The following PIK3CD variants were observed in gnomAD, a reference collection of about 807,000 sequenced individuals.
The protein encoded by PIK3CD is phosphatidylinositol-4,5-bisphosphate 3-kinase catalytic subunit delta.
In PIK3CD, 20 loss-of-function variants were observed where a neutral mutation model predicts 122.9. The observed-to-expected ratio is 0.16, with a 90% CI of 0.11 to 0.24. The LOEUF (loss-of-function observed/expected upper bound fraction) is 0.24. Among genes scored for constraint, PIK3CD ranks in the 10% least tolerant of loss-of-function variants. PIK3CD has a pLI of 1.00. For synonymous variants in PIK3CD, 596 were observed against 593.4 expected, an observed-to-expected ratio of 1.00 and a Z score of -0.06; for missense variants, 787 against 1,406.3, an observed-to-expected ratio of 0.56 and a Z score of 7.04.
the PIK3CD span, among the ~76,000 whole-genome samples, chr1:9,638,141 A>C: frequency 6.6e-6 from 1 of 151,956 alleles, no homozygotes; most frequent in African/African-American, 2.4e-5. Context: ...TAAATGAAAA[A>C]ATAAAGGAGC....
At chr1:9,691,242 A>G (rs1289849851) in intron 1 of PIK3CD, among the ~76,000 whole-genome samples, 1 of 152,226 alleles carries the variant, frequency 6.6e-6, no homozygotes, top group African/African-American at 2.4e-5. Context: ...GGCACTGGAA[A>G]TGCTCCTGTG....
intron 1 of PIK3CD, among the ~76,000 whole-genome samples, chr1:9,677,412 G>A (rs778173615): frequency 2.5e-4 from 38 of 151,924 alleles, no homozygotes; most frequent in Non-Finnish European, 5.4e-4. Context: ...TTGGGAGGCG[G>A]AGGCAGGCAG....
At chr1:9,649,021 G>A (rs1344132372), upstream of PIK3CD, among the ~76,000 whole-genome samples, 1 of 152,120 alleles carries the variant, frequency 6.6e-6, no homozygotes, top group Non-Finnish European at 1.5e-5. Flanking sequence ...AGAGTCGCTT[G>A]AACCCGGGAG....
chr1:9,692,713 G>C lies in PIK3CD; in HGVS notation c.-33+1142G>C, dbSNP rs567036636. Among the ~76,000 whole-genome samples, 20 of 152,318 alleles carry C rather than the reference G, an allele frequency of 1.3e-4. 1 individual carries two copies. The South Asian group carries it at 4.1e-3, about 32-fold the overall frequency. ...CCACTGCACTCCAGCCTGGGTGACA[G>C]AGTGAGACTCCGTCTCAAAAAAATA... On this transcript the variant is annotated intron_variant, in intron 2 of 23. Transcript: ENST00000377346.
At chr1:9,703,030 G>A (rs750406804) in intron 2 of PIK3CD, among the ~76,000 whole-genome samples, 1 of 152,188 alleles carries the variant, frequency 6.6e-6, no homozygotes. Context: ...TTCGTCCTCA[G>A]GACCCAGGCT....
intron 2 of PIK3CD, among the ~76,000 whole-genome samples, chr1:9,696,079 C>T (rs188098570): frequency 1.3e-5 from 2 of 151,692 alleles, no homozygotes; most frequent in Admixed American, 1.3e-4. Context: ...TCAAGCAATC[C>T]TCCTGCCTCA....
At chr1:9,712,971 C>G (rs1647117073) in intron 3 of PIK3CD, among the ~76,000 whole-genome samples, 1 of 152,140 alleles carries the variant, frequency 6.6e-6, no homozygotes, top group Admixed American at 6.6e-5. Context: ...CACCTGAGGT[C>G]AGGAGTTTGA....
the PIK3CD span, among the ~76,000 whole-genome samples, chr1:9,629,219 C>G: frequency 6.6e-6 from 1 of 152,098 alleles, no homozygotes; most frequent in Non-Finnish European, 1.5e-5. Context: ...CAAGGCCACA[C>G]CTACCTGAGT....
At chr1:9,682,603 G>T (rs1445772685) in intron 1 of PIK3CD, among the ~76,000 whole-genome samples, 3 of 152,226 alleles carry the variant, frequency 2.0e-5, no homozygotes, top group African/African-American at 7.2e-5. Flanking sequence ...AGGCTGGAGT[G>T]CAGTGGCACG....
intron 1 of PIK3CD, among the ~76,000 whole-genome samples, chr1:9,663,257 C>A (rs2100857625): frequency 6.6e-6 from 1 of 152,348 alleles, no homozygotes; most frequent in East Asian, 1.9e-4. Flanking sequence ...CACTTGCCAG[C>A]CATGTTCAGG....
At chr1:9,672,455 G>T (rs1275341817) in intron 1 of PIK3CD, 4 of 152,136 alleles carry the variant, frequency 2.6e-5, no homozygotes, top group Non-Finnish European at 4.4e-5. Context: ...TAGAGACAGG[G>T]TCTAGCTCTG....
At chr1:9,662,354 G>A in intron 1 of PIK3CD, 1 of 169,098 alleles carries the variant, frequency 5.9e-6, no homozygotes. Flanking sequence ...TAACAGCCTG[G>A]CTGGGATGAA....
intron 1 of PIK3CD, among the ~76,000 whole-genome samples, chr1:9,685,151 C>T (rs1044606850): frequency 6.6e-6 from 1 of 151,996 alleles, no homozygotes; most frequent in African/African-American, 2.4e-5. Flanking sequence ...GCATGGGCCT[C>T]TTATAATTAG....
the PIK3CD span, among the ~76,000 whole-genome samples, chr1:9,641,597 A>AGCTCATTCCT: frequency 0.41 from 62,766 of 151,742 alleles, 18,254 homozygotes; most frequent in East Asian, 0.79. Flanking sequence ...AATCTTCACC[A>AGCTCATTCCT]GCCCTGGAGT....
In PIK3CD at chr1:9,723,037, T is replaced by G. The variant is rs1648935764; in HGVS notation, c.2427-88T>G. 2 of 1,331,416 alleles carry G rather than the reference T, an allele frequency of 1.5e-6. No individual in the cohort carries two copies. The highest frequency in any genetic ancestry group is 1.4e-5 in the African/African-American group (1 of 69,372). 82.5% of individuals were successfully genotyped at this position (1,331,416 alleles called of 1,614,324 possible). ...GGCAGCAGCATCTTCTGTGGCTTTT[T>G]GGGGCACCATGAGTTTCTGGGGCTC... is the stretch of plus-strand genomic sequence containing the variant. On this transcript the variant is annotated intron_variant, in intron 19 of 23. Coordinates refer to ENST00000377346, the MANE Select transcript of PIK3CD (RefSeq NM_005026.5). This position sits in a 1 kb window ranked among gnomAD's most constrained non-coding sequence, Gnocchi z 4.9.
intron 1 of PIK3CD, among the ~76,000 whole-genome samples, chr1:9,663,238 C>T (rs1258434736): frequency 1.3e-5 from 2 of 152,212 alleles, no homozygotes; most frequent in Non-Finnish European, 2.9e-5. Context: ...GGGCTACCAG[C>T]CTCAGTTTCA....
At position 9,719,977 on chromosome 1, in the gene PIK3CD, G is replaced by C. The variant is rs1378083934; in HGVS notation, c.1299G>C (p.Lys433Asn). ...TGTTTGACTACAAGGACCAGCTTAA[G>C]ACCGGGGAACGCTGCCTCTACATGT... The part of the protein sequence containing the change: ...LMLFDYKDQL[K>N]TGERCLYMWP... Residue 433 changes from lysine (K) to asparagine (N), a missense_variant, in exon 10 of 24, where the codon AAG (lysine) becomes AAC (asparagine). Physicochemically the swap from Lys to Asn is moderately conservative, Grantham distance 94. Around this residue, in one of 6 missense-constraint regions of PIK3CD, gnomAD observed 592 missense variants for 920.6 expected, o/e 0.64. Transcript: ENST00000377346. This position sits in a 1 kb window ranked among gnomAD's most constrained non-coding sequence, Gnocchi z 5.5. The C allele has an allele frequency of 1.2e-6, 2 of 1,613,812 alleles. No individual in the cohort carries two copies. Among genetic ancestry groups the C allele is most frequent in the Admixed American group, 1.7e-5 (1 of 60,030 alleles).
At chr1:9,664,049 C>CTTTTTTT (rs754341558) in intron 1 of PIK3CD, among the ~76,000 whole-genome samples, 3 of 101,750 alleles carry the variant, frequency 2.9e-5, no homozygotes, top group African/African-American at 4.2e-5. Context: ...TTCTTTCTTT[C>CTTTTTTT]TTTTTTTTTT....
intron 1 of PIK3CD, among the ~76,000 whole-genome samples, chr1:9,661,971 G>A (rs1451173219): frequency 1.3e-5 from 2 of 152,002 alleles, no homozygotes; most frequent in African/African-American, 4.8e-5. Context: ...ACTCCAGCCT[G>A]GGTGACAGAG....
Sources: allele counts gnomAD v4.1 joint callset (sites outside exome capture counted in the v4.1 genomes callset), GRCh38; gene constraint gnomAD v4.1.1; regional missense constraint gnomAD v4.1.1; non-coding constraint Gnocchi (gnomAD v3.1); transcripts MANE v1.5; gene names NCBI Gene and HGNC (gene_info 2026-07-23, HGNC 2026-07-21).